The following ASTN2 variants were observed in gnomAD, a reference collection of about 807,000 sequenced individuals.
ASTN2 encodes astrotactin 2, also known as astrotactin-2.
In ASTN2, 54 loss-of-function variants were observed where a neutral mutation model predicts 139.8. The observed-to-expected ratio is 0.39, with a 90% CI of 0.31 to 0.48. The LOEUF (loss-of-function observed/expected upper bound fraction) is 0.48, where lower values mean the gene tolerates loss of function less well. Ranked by LOEUF, ASTN2 falls within the 20% of genes least tolerant of loss-of-function variation. ASTN2 has a pLI of 0.95. For missense variants in ASTN2, 1,565 were observed against 1,725.1 expected (o/e 0.91, Z 1.64); for synonymous variants, 756 against 719.5 (o/e 1.05, Z -0.81).
At chr9:117,019,937 G>A (rs185367828) in intron 6 of ASTN2, among the ~76,000 whole-genome samples, 217 of 151,780 alleles carry the variant, frequency 1.4e-3, no homozygotes, top group Non-Finnish European at 6.2e-4. Context: ...CAAGTTGCCC[G>A]AAAATAGATA....
At position 117,242,214 on chromosome 9, in the gene ASTN2, C is replaced by G. The variant is rs532943934; in HGVS notation, c.631-27472G>C. ...AGAGTGTTTCCTATTTGGAATGGTT[C>G]CCCTGGACATAGCCTACATCCTCCC... On this transcript the variant is annotated intron_variant, in intron 2 of 22. Transcript: ENST00000313400. Among the ~76,000 whole-genome samples the G allele has an allele frequency of 7.2e-5, 11 of 151,946 alleles. No individual in the cohort carries two copies. The East Asian group carries it at 2.1e-3, about 30-fold the overall frequency.
At chr9:117,056,220 T>C (rs1839059971) in intron 5 of ASTN2, among the ~76,000 whole-genome samples, 1 of 152,230 alleles carries the variant, frequency 6.6e-6, no homozygotes, top group African/African-American at 2.4e-5. Flanking sequence ...AACTGTTAGA[T>C]AATGAATGTT....
At chr9:117,059,878 A>G (rs1458316039) in intron 5 of ASTN2, among the ~76,000 whole-genome samples, 1 of 152,200 alleles carries the variant, frequency 6.6e-6, no homozygotes, top group Non-Finnish European at 1.5e-5. Flanking sequence ...CAAGACCGCA[A>G]TTCCTAAGTG....
intron 6 of ASTN2, among the ~76,000 whole-genome samples, chr9:117,018,497 C>T (rs1837780781): frequency 6.6e-6 from 1 of 152,138 alleles, no homozygotes; most frequent in South Asian, 2.1e-4. Context: ...TAGGCACCTG[C>T]CTGCTTGTGT....
intron 16 of ASTN2, among the ~76,000 whole-genome samples, chr9:116,656,672 T>C (rs1258237809): frequency 2.5e-5 from 3 of 122,222 alleles, no homozygotes; most frequent in Admixed American, 9.8e-5. Flanking sequence ...GGGTATTATT[T>C]TGTTGCCACC....
In ASTN2 at chr9:116,554,468, G is replaced by A. The variant is rs796624604; in HGVS notation, c.3355+63856C>T. Among the ~76,000 whole-genome samples, 3 of 152,256 alleles carry A rather than the reference G, an allele frequency of 2.0e-5. No individual in the cohort carries two copies. The East Asian group carries it at 5.8e-4, about 29-fold the overall frequency. ...GTTACATGGTATTTACGAAAGTGTG[G>A]AACACATCAGAATCAAATCATTTAA... On this transcript the variant is annotated intron_variant, in intron 19 of 22. Coordinates refer to ENST00000313400, the MANE Select transcript of ASTN2 (RefSeq NM_001365068.1).
chr9:116,761,187 T>C (rs901080765), intron 13 of ASTN2, among the ~76,000 whole-genome samples: 3 of 152,206 alleles, frequency 2.0e-5, no homozygotes, highest in Admixed American at 6.5e-5. Context: ...CTTCCACTCA[T>C]CAAGTCACTA....
At chr9:117,251,515 A>T (rs1833538817) in intron 2 of ASTN2, among the ~76,000 whole-genome samples, 1 of 152,166 alleles carries the variant, frequency 6.6e-6, no homozygotes, top group Admixed American at 6.5e-5. Flanking sequence ...CTACCTGGTG[A>T]TTATAACAGC....
intron 19 of ASTN2, among the ~76,000 whole-genome samples, chr9:116,537,150 C>T (rs1038918846): frequency 3.9e-5 from 6 of 152,216 alleles, no homozygotes; most frequent in South Asian, 4.1e-4. Context: ...TGAGACCCTC[C>T]GAGCCACGTG....
intron 10 of ASTN2, among the ~76,000 whole-genome samples, chr9:116,927,453 C>A (rs911772853): frequency 1.3e-5 from 2 of 152,164 alleles, no homozygotes; most frequent in Admixed American, 1.3e-4. Flanking sequence ...CTGGCTTTTG[C>A]TGGTGTTGAG....
At chr9:116,566,792 C>T (rs28593281) in intron 19 of ASTN2, among the ~76,000 whole-genome samples, 2,299 of 152,312 alleles carry the variant, frequency 0.015, 60 homozygotes, top group African/African-American at 0.052. Context: ...CAGGAATCCT[C>T]AGATGGCAGA....
At chr9:117,191,109 C>T (rs1203119975) in intron 3 of ASTN2, among the ~76,000 whole-genome samples, 3 of 151,278 alleles carry the variant, frequency 2.0e-5, no homozygotes, top group African/African-American at 7.3e-5. Flanking sequence ...AACTTTAAAA[C>T]ATTCAGACCA....
chr9:116,996,690 T>C (rs1309947110), intron 7 of ASTN2, among the ~76,000 whole-genome samples: 1 of 152,124 alleles, frequency 6.6e-6, no homozygotes, highest in African/African-American at 2.4e-5. Context: ...TGACTCCCCA[T>C]TAACAAATAT....
chr9:116,522,575 G>A (rs944929193), intron 19 of ASTN2, among the ~76,000 whole-genome samples: 4 of 152,112 alleles, frequency 2.6e-5, no homozygotes, highest in Non-Finnish European at 5.9e-5. Context: ...ACACTGCTCA[G>A]GTGATGGGTG....
At chr9:117,169,150 A>G (rs1830733791) in intron 3 of ASTN2, among the ~76,000 whole-genome samples, 1 of 151,990 alleles carries the variant, frequency 6.6e-6, no homozygotes, top group South Asian at 2.1e-4. Context: ...CTAATGGGGG[A>G]ATTAGAGCAT....
At chr9:116,705,136 G>T (rs1827959045) in intron 16 of ASTN2, among the ~76,000 whole-genome samples, 1 of 152,118 alleles carries the variant, frequency 6.6e-6, no homozygotes, top group Admixed American at 6.6e-5. Flanking sequence ...GTTTAGTCCT[G>T]TTTCCCTCAA....
chr9:116,903,748 T>C (rs1385581586), intron 10 of ASTN2, among the ~76,000 whole-genome samples: 1 of 152,150 alleles, frequency 6.6e-6, no homozygotes, highest in African/African-American at 2.4e-5. Flanking sequence ...CATGAGGCTG[T>C]ATTAATAGTT....
intron 19 of ASTN2, among the ~76,000 whole-genome samples, chr9:116,609,377 G>GTATATATATATA (rs1356237603): frequency 9.5e-5 from 3 of 31,612 alleles, no homozygotes; most frequent in African/African-American, 4.1e-4. Flanking sequence ...ATATATATGG[G>GTATATATATATA]TGTATATATA....
At chr9:117,151,400 T>C (rs1458577023) in intron 3 of ASTN2, among the ~76,000 whole-genome samples, 1 of 152,142 alleles carries the variant, frequency 6.6e-6, no homozygotes, top group African/African-American at 2.4e-5. Context: ...AATGGAGTTC[T>C]TCATTCAATA....
Sources: gnomAD v4.1 joint callset for allele counts (sites outside exome capture counted in the v4.1 genomes callset) on GRCh38, gnomAD v4.1.1 for gene constraint, MANE v1.5 for transcripts, NCBI Gene and HGNC (gene_info 2026-07-23, HGNC 2026-07-21) for gene names.